The following ABHD12 variants were observed in gnomAD, a reference collection of about 807,000 sequenced individuals.
The protein encoded by ABHD12 is abhydrolase domain containing 12, lysophospholipase, also known as lysophosphatidylserine lipase ABHD12.
In ABHD12, 43 loss-of-function variants were observed where a neutral mutation model predicts 58.3. The ratio of observed to expected loss-of-function variants is 0.74; its 90% CI spans 0.58 to 0.95. ABHD12 has a LOEUF of 0.95. ABHD12 is among the 40% of genes least tolerant of loss of function. ABHD12 has a pLI of 0.00. For missense variants in ABHD12, 539 were observed against 537.2 expected, an observed-to-expected ratio of 1.00 and a Z score of -0.03; for synonymous variants, 219 against 211.2, an observed-to-expected ratio of 1.04 and a Z score of -0.32.
chr20:25,330,647 TCCCTGAC>T (rs1328426295), intron 2 of ABHD12, among the ~76,000 whole-genome samples: 2 of 152,022 alleles, frequency 1.3e-5, no homozygotes, highest in Non-Finnish European at 2.9e-5. Context: ...CTCAAGCGGG[TCCCTGAC>T]CCCTGACCCC....
intron 2 of ABHD12, among the ~76,000 whole-genome samples, chr20:25,330,662 C>T (rs1314743018): frequency 6.6e-6 from 1 of 152,196 alleles, no homozygotes; most frequent in Non-Finnish European, 1.5e-5. Flanking sequence ...GACCCCTGAC[C>T]CCCGAGCAGC....
At chr20:25,339,698 G>C in intron 1 of ABHD12, 1 of 1,373,840 alleles carries the variant, frequency 7.3e-7, no homozygotes, top group Middle Eastern at 2.1e-4. Flanking sequence ...CTGTAACCTC[G>C]TATCAGGAAA....
At chr20:25,380,967 C>T (rs1209653492) in intron 1 of ABHD12, among the ~76,000 whole-genome samples, 1 of 152,222 alleles carries the variant, frequency 6.6e-6, no homozygotes, top group African/African-American at 2.4e-5. Context: ...TCCATTCTTC[C>T]TGTTGCTCAG....
At chr20:25,388,787 C>CTTTTTTTTTT (rs780031801) in intron 1 of ABHD12, among the ~76,000 whole-genome samples, 4 of 122,090 alleles carry the variant, frequency 3.3e-5, no homozygotes, top group Non-Finnish European at 4.9e-5. Flanking sequence ...TTGATTTTTT[C>CTTTTTTTTTT]TTTTTTTTTT....
chr20:25,299,698 G>A (rs888116557), downstream of ABHD12, among the ~76,000 whole-genome samples: 10 of 152,256 alleles, frequency 6.6e-5, no homozygotes, highest in African/African-American at 1.2e-4. Flanking sequence ...AGGATGCCAC[G>A]TGGGTCCCCG....
At chr20:25,350,986 CA>C (rs2089592062) in intron 1 of ABHD12, among the ~76,000 whole-genome samples, 3 of 145,318 alleles carry the variant, frequency 2.1e-5, no homozygotes, top group Admixed American at 6.7e-5. Context: ...CACACACACA[CA>C]CACACACACA....
At chr20:25,348,446 T>G (rs1600835213) in intron 1 of ABHD12, among the ~76,000 whole-genome samples, 1 of 124,278 alleles carries the variant, frequency 8.0e-6, no homozygotes, top group African/African-American at 2.9e-5. Context: ...AACCATTTGG[T>G]AAAAAAAAAA....
At chr20:25,361,485 A>G (rs2089747182) in intron 1 of ABHD12, among the ~76,000 whole-genome samples, 1 of 152,138 alleles carries the variant, frequency 6.6e-6, no homozygotes. Flanking sequence ...AATTACAGAC[A>G]TGCGCCACCT....
intron 6 of ABHD12, among the ~76,000 whole-genome samples, chr20:25,309,785 G>T (rs2088814975): frequency 6.6e-6 from 1 of 152,370 alleles, no homozygotes; most frequent in East Asian, 1.9e-4. Flanking sequence ...CAGCCCTGGG[G>T]AAGGCAGCCC....
At chr20:25,345,560 C>T (rs2146049062) in intron 1 of ABHD12, among the ~76,000 whole-genome samples, 1 of 152,226 alleles carries the variant, frequency 6.6e-6, no homozygotes, top group East Asian at 1.9e-4. Flanking sequence ...TGATGAAAGA[C>T]AGTTATACAA....
intron 1 of ABHD12, among the ~76,000 whole-genome samples, chr20:25,373,096 C>A (rs867325678): frequency 1.3e-5 from 2 of 152,148 alleles, no homozygotes; most frequent in Admixed American, 6.5e-5. Flanking sequence ...ATAGCCCAGG[C>A]GTGTAATAGG....
chr20:25,355,750 G>T (rs1168871709), intron 1 of ABHD12, among the ~76,000 whole-genome samples: 3 of 152,168 alleles, frequency 2.0e-5, no homozygotes, highest in African/African-American at 7.2e-5. Flanking sequence ...GTAGAGACGG[G>T]GTTTCACCAT....
At chr20:25,348,129 G>C (rs1396746401) in intron 1 of ABHD12, among the ~76,000 whole-genome samples, 1 of 151,802 alleles carries the variant, frequency 6.6e-6, no homozygotes, top group African/African-American at 2.4e-5. Context: ...AGAATCGCTT[G>C]AATCTGGGAG....
chr20:25,326,330 G>T (rs879295951), intron 2 of ABHD12, among the ~76,000 whole-genome samples: 2 of 152,144 alleles, frequency 1.3e-5, no homozygotes, highest in Non-Finnish European at 2.9e-5. Flanking sequence ...GACTTATAGC[G>T]CCAATAAAAG....
intron 6 of ABHD12, among the ~76,000 whole-genome samples, chr20:25,313,794 A>AACCAAC (rs1196943395): frequency 6.6e-6 from 1 of 151,326 alleles, no homozygotes; most frequent in Non-Finnish European, 1.5e-5. Context: ...GCAAAACCAA[A>AACCAAC]ACCAAAACCA....
chr20:25,382,170 T>C (rs1318117205), intron 1 of ABHD12, among the ~76,000 whole-genome samples: 1 of 152,234 alleles, frequency 6.6e-6, no homozygotes, highest in Non-Finnish European at 1.5e-5. Context: ...AAAACTCACC[T>C]GAGACCTGGG....
At chr20:25,295,647 G>A (rs200169369), downstream of ABHD12, 10 of 1,613,942 alleles carry the variant, frequency 6.2e-6, no homozygotes, top group Non-Finnish European at 8.5e-6. Flanking sequence ...GCAGTGCCAG[G>A]CACAGGTGGA....
intron 1 of ABHD12, among the ~76,000 whole-genome samples, chr20:25,372,215 CTCT>C (rs565717310): frequency 2.2e-3 from 329 of 151,576 alleles, no homozygotes; most frequent in African/African-American, 7.8e-3. Flanking sequence ...TTATCTCAGC[CTCT>C]TCTTTTTTTT....
At chr20:25,362,193 G>T (rs1214471193) in intron 1 of ABHD12, among the ~76,000 whole-genome samples, 2 of 151,744 alleles carry the variant, frequency 1.3e-5, no homozygotes, top group Non-Finnish European at 2.9e-5. Context: ...GGCAGGAGAA[G>T]CACTTGAACC....
Sources: allele counts gnomAD v4.1 joint callset (sites outside exome capture counted in the v4.1 genomes callset), GRCh38; gene constraint gnomAD v4.1.1; transcripts MANE v1.5; gene names NCBI Gene and HGNC (gene_info 2026-07-23, HGNC 2026-07-21).